ATAD1: variants seen among roughly 807,000 people sequenced by gnomAD.
ATAD1 encodes the protein ATPase family AAA domain containing 1.
In ATAD1, 18 loss-of-function variants were observed where a neutral mutation model predicts 42.7. The observed-to-expected ratio is 0.42, with a 90% CI of 0.29 to 0.63. The LOEUF is 0.63. Ranked by LOEUF, ATAD1 falls within the 20% of genes least tolerant of loss-of-function variation. ATAD1 has a pLI of 0.19. For missense variants in ATAD1, 294 were observed against 440.4 expected (o/e 0.67, Z 2.98); for synonymous variants, 132 against 143.1 (o/e 0.92, Z 0.55).
Position 87,792,762 on chromosome 10 carries a change from T to G in ATAD1, c.163-7A>C. 5 of 1,607,474 alleles carry G rather than the reference T, an allele frequency of 3.1e-6. No homozygotes were observed. Among genetic ancestry groups the G allele is most frequent in the Non-Finnish European group, 4.3e-6 (5 of 1,174,150 alleles). Reference sequence around the variant, plus strand: ...GCTTCATTAGTTTTTCTGCCTAGAATGAAAAGAACAAACAACCTGCTTTGA... The same window carrying G: ...GCTTCATTAGTTTTTCTGCCTAGAAGGAAAAGAACAAACAACCTGCTTTGA... On this transcript the variant is annotated splice_polypyrimidine_tract_variant and splice_region_variant and intron_variant, in intron 2 of 9. Transcript: ENST00000680024.
rs199672842 is a variant in ATAD1 at position 87,790,365 on chromosome 10, T to C, written c.327A>G (p.Leu109=). The part of the protein sequence containing the change: ...VITDLKDTVI[L]PIKKKHLFEN... Reference sequence around the variant, plus strand: ...CAAACAAATGTTTCTTTTTGATAGGTAAGATGACTGTGTCTTTCAGATCCG... The same window carrying C: ...CAAACAAATGTTTCTTTTTGATAGGCAAGATGACTGTGTCTTTCAGATCCG... Residue 109 remains leucine, a synonymous_variant, in exon 4 of 10, where the codon TTA becomes TTG. Transcript: ENST00000680024. The C allele has an allele frequency of 8.4e-5, 135 of 1,612,936 alleles. No homozygotes were observed. The highest frequency in any genetic ancestry group is 1.1e-4 in the Non-Finnish European group (134 of 1,179,772).
rs556857358 is a variant in ATAD1, at chr10:87,832,546, G to A, written c.-14+8641C>T. Among the ~76,000 whole-genome samples the A allele has an allele frequency of 4.6e-5, 7 of 151,276 alleles. No individual in the cohort carries two copies. In the East Asian group the frequency reaches 1.2e-3, roughly 25 times the overall value. On this transcript the variant is annotated intron_variant, in intron 1 of 4. Coordinates refer to the ATAD1 transcript ENST00000495903. ...GCTTTATAGTACAACCTAAAATCAG[G>A]TAGTTTGATTCTTCAACCTTATTTT...
At chr10:87,818,350 A>G (rs1857534148), upstream of ATAD1, 4 of 751,212 alleles carry the variant, frequency 5.3e-6, no homozygotes, top group African/African-American at 1.9e-5. Context: ...AGGGAGAGCA[A>G]ATTCGCGCAC....
intron 1 of ATAD1, among the ~76,000 whole-genome samples, chr10:87,835,826 G>T (rs1482903740): frequency 6.6e-6 from 1 of 152,002 alleles, no homozygotes; most frequent in African/African-American, 2.4e-5. Flanking sequence ...TGTTAAAAAA[G>T]TTTTTAATGA....
intron 1 of ATAD1, among the ~76,000 whole-genome samples, chr10:87,836,253 G>A (rs1857927768): frequency 6.6e-6 from 1 of 152,020 alleles, no homozygotes; most frequent in African/African-American, 2.4e-5. Flanking sequence ...CAGCTTCCGA[G>A]TCGCTAAGAC....
chr10:87,754,574 A>T lies in ATAD1; in HGVS notation c.*113T>A, dbSNP rs1854136040. ...AACTTAGAATTCAGAGTATAAAACCATAAACACTGAGCTCCCTCATTGTTT... is the reference window on the plus strand; with the variant it reads ...AACTTAGAATTCAGAGTATAAAACCTTAAACACTGAGCTCCCTCATTGTTT... On this transcript the variant is annotated 3_prime_UTR_variant, in exon 10 of 10. Coordinates refer to ENST00000680024, the MANE Select transcript of ATAD1 (RefSeq NM_001321967.2). The T allele has an allele frequency of 7.9e-7, 1 of 1,262,378 alleles. No individual in the cohort carries two copies. The highest frequency in any genetic ancestry group is 1.5e-5 in the African/African-American group (1 of 67,282). 78.2% of individuals were successfully genotyped at this position (1,262,378 alleles called of 1,614,324 possible).
At chr10:87,801,111 T>C (rs1048213574) in intron 2 of ATAD1, among the ~76,000 whole-genome samples, 4 of 152,244 alleles carry the variant, frequency 2.6e-5, no homozygotes, top group Non-Finnish European at 5.9e-5. Flanking sequence ...GGAGACTGTT[T>C]ATAAACTTTT....
chr10:87,828,529 A>T (rs1158587697), intron 1 of ATAD1, among the ~76,000 whole-genome samples: 5 of 152,230 alleles, frequency 3.3e-5, no homozygotes, highest in Admixed American at 3.3e-4. Context: ...CTATCTTCAT[A>T]ACATGTAAGT....
At chr10:87,782,682 T>C (rs978547769) in intron 5 of ATAD1, among the ~76,000 whole-genome samples, 2 of 152,272 alleles carry the variant, frequency 1.3e-5, no homozygotes, top group East Asian at 1.9e-4. Flanking sequence ...AAAAGTCTAC[T>C]AGACTGGTAA....
At chr10:87,823,733 C>G (rs1857673451) in intron 1 of ATAD1, among the ~76,000 whole-genome samples, 1 of 152,160 alleles carries the variant, frequency 6.6e-6, no homozygotes, top group South Asian at 2.1e-4. Flanking sequence ...GCTTCCCATC[C>G]TTTATAACCT....
chr10:87,772,886 G>A (rs989017074), intron 6 of ATAD1, among the ~76,000 whole-genome samples: 17 of 152,112 alleles, frequency 1.1e-4, no homozygotes, highest in Non-Finnish European at 1.5e-5. Flanking sequence ...AACAGGAAGT[G>A]ACAGTAATTT....
rs199739898 is a variant in ATAD1 at position 87,781,953 on chromosome 10, G to T, written c.583+2517C>A. On this transcript the variant is annotated intron_variant, in intron 5 of 9. Coordinates refer to ENST00000680024, the MANE Select transcript of ATAD1 (RefSeq NM_001321967.2). Reference sequence around the variant, plus strand: ...AGCCACCACACCTGGCCTGAGAATTGTTTTTTTTTTTAATGGGAACATTGC... The same window carrying T: ...AGCCACCACACCTGGCCTGAGAATTTTTTTTTTTTTTAATGGGAACATTGC... Among the ~76,000 whole-genome samples the T allele has an allele frequency of 6.8e-5, 10 of 147,958 alleles. 1 individual carries two copies. Among genetic ancestry groups the T allele is most frequent in the Non-Finnish European group, 1.1e-4 (7 of 66,504 alleles).
At chr10:87,804,501 A>G (rs1027034508) in intron 2 of ATAD1, among the ~76,000 whole-genome samples, 1 of 151,884 alleles carries the variant, frequency 6.6e-6, no homozygotes, top group African/African-American at 2.4e-5. Context: ...TCCCAAGTAG[A>G]TGGGACTACA....
At position 87,752,090 on chromosome 10, in the gene ATAD1, G is replaced by C. The variant is rs891232651; in HGVS notation, c.*2597C>G. 1 of 152,142 alleles carries C rather than the reference G, an allele frequency of 6.6e-6. No homozygotes were observed. Among genetic ancestry groups the C allele is most frequent in the Non-Finnish European group, 1.5e-5 (1 of 68,018 alleles). The allele number at this position is 152,142 out of a possible 1,614,324, so 9.4% of individuals were successfully genotyped here. A position where few individuals can be genotyped will look rare whatever the true frequency, so the allele number is the denominator to read the frequency against. On this transcript the variant is annotated 3_prime_UTR_variant, in exon 10 of 10. Transcript: ENST00000680024. ...TACCCCAACCCAGCTCTTAATGAAT[G>C]CTGGGTTTACCTGCAGGTAGGGGGT... is the stretch of plus-strand genomic sequence containing the variant.
chr10:87,824,542 C>A (rs1008615583), intron 1 of ATAD1, among the ~76,000 whole-genome samples: 2 of 152,154 alleles, frequency 1.3e-5, no homozygotes, highest in African/African-American at 2.4e-5. Context: ...TTCAATGAGA[C>A]AATACATGTA....
intron 1 of ATAD1, among the ~76,000 whole-genome samples, chr10:87,815,699 A>AC (rs1481555502): frequency 1.3e-5 from 2 of 151,952 alleles, no homozygotes; most frequent in African/African-American, 4.8e-5. Flanking sequence ...AGCTCCAAAA[A>AC]TTTTTTATTT....
intron 5 of ATAD1, among the ~76,000 whole-genome samples, chr10:87,782,568 G>C (rs1855618520): frequency 1.3e-5 from 2 of 152,110 alleles, no homozygotes; most frequent in Admixed American, 1.3e-4. Flanking sequence ...TTGGAAGGAA[G>C]GTAGAGATTA....
chr10:87,836,049 C>T (rs1426731886), intron 1 of ATAD1, among the ~76,000 whole-genome samples: 1 of 152,108 alleles, frequency 6.6e-6, no homozygotes, highest in Non-Finnish European at 1.5e-5. Flanking sequence ...TTTTAAGGAA[C>T]TTAAGAGGTG....
intron 7 of ATAD1, among the ~76,000 whole-genome samples, chr10:87,769,415 T>A (rs1279830027): frequency 6.6e-6 from 1 of 152,202 alleles, no homozygotes; most frequent in Non-Finnish European, 1.5e-5. Flanking sequence ...CCTGTCAAAT[T>A]CCTATCATCC....
Sources: allele counts gnomAD v4.1 joint callset (sites outside exome capture counted in the v4.1 genomes callset), GRCh38; gene constraint gnomAD v4.1.1; transcripts MANE v1.5; gene names NCBI Gene and HGNC (gene_info 2026-07-23, HGNC 2026-07-21).